Variants in ABHD2 observed in about 807,000 individuals in gnomAD.
ABHD2 encodes monoacylglycerol lipase ABHD2.
A neutral mutation model predicts 48.1 loss-of-function variants in ABHD2; 20 were observed. The ratio of observed to expected loss-of-function variants is 0.42; its 90% CI spans 0.29 to 0.60. ABHD2 has a LOEUF of 0.60. Among genes scored for constraint, ABHD2 ranks in the 20% least tolerant of loss-of-function variants. ABHD2 has a pLI of 0.24. For missense variants in ABHD2, 405 were observed against 550.9 expected, an observed-to-expected ratio of 0.74 and a Z score of 2.65; for synonymous variants, 209 against 214.2, an observed-to-expected ratio of 0.98 and a Z score of 0.21.
At chr15:89,046,400 T>C in the ABHD2 span, among the ~76,000 whole-genome samples, 1 of 152,112 alleles carries the variant, frequency 6.6e-6, no homozygotes, top group Non-Finnish European at 1.5e-5. Context: ...ATCAGGATGA[T>C]GCTGGCCTCA....
intron 5 of ABHD2, among the ~76,000 whole-genome samples, chr15:89,165,293 GT>G (rs941188103): frequency 4.9e-4 from 71 of 146,032 alleles, no homozygotes; most frequent in African/African-American, 8.3e-4. Flanking sequence ...TCTAAAAAAT[GT>G]TTTTTTTTTT....
chr15:89,191,929 G>GC (rs11459118), intron 9 of ABHD2, among the ~76,000 whole-genome samples: 74,025 of 151,874 alleles, frequency 0.49, 18,396 homozygotes, highest in African/African-American at 0.53. Flanking sequence ...GCCCAGCTGA[G>GC]ATGTCTGTTG....
chr15:89,157,608 C>T (rs912872354), intron 5 of ABHD2, among the ~76,000 whole-genome samples: 2 of 152,144 alleles, frequency 1.3e-5, no homozygotes, highest in Non-Finnish European at 2.9e-5. Flanking sequence ...CTTTGGGAGG[C>T]CAAGGCAGGC....
intron 3 of ABHD2, among the ~76,000 whole-genome samples, chr15:89,144,533 C>T (rs1288432407): frequency 6.6e-6 from 1 of 152,180 alleles, no homozygotes; most frequent in Non-Finnish European, 1.5e-5. Context: ...TTACTGATAA[C>T]ATGTTGCAGC....
the ABHD2 span, among the ~76,000 whole-genome samples, chr15:89,073,426 G>A: frequency 6.6e-6 from 1 of 152,140 alleles, no homozygotes; most frequent in Non-Finnish European, 1.5e-5. Flanking sequence ...CTCCCAAGTA[G>A]CTAGGATTAC....
At chr15:89,160,032 G>A (rs1179934910) in intron 5 of ABHD2, among the ~76,000 whole-genome samples, 1 of 152,220 alleles carries the variant, frequency 6.6e-6, no homozygotes, top group Non-Finnish European at 1.5e-5. Flanking sequence ...TTGTTGAAAT[G>A]TAAAAATTAA....
rs1212423483 is a variant in ABHD2, at chr15:89,200,421, C to T, written c.*4998C>T. ...CGGCCAGGCAAGCGCTCCTCACTTC[C>T]CAGATGGGGCGGCTCCCGGGAAGCG... On this transcript the variant is annotated 3_prime_UTR_variant, in exon 11 of 11. Transcript: ENST00000352732. 6.5e-6 allele frequency: 1 copy of T among 152,716 alleles called. No homozygotes were observed. The highest frequency in any genetic ancestry group is 1.5e-5 in the Non-Finnish European group (1 of 68,226). The allele number at this position is 152,716 out of a possible 1,614,324, so 9.5% of individuals were successfully genotyped here.
upstream of ABHD2, chr15:89,082,825 G>A (rs1346921669): frequency 1.3e-5 from 2 of 152,142 alleles, no homozygotes; most frequent in Admixed American, 1.3e-4. This position sits in a 1 kb window ranked among gnomAD's most constrained non-coding sequence, Gnocchi z 4.4. Context: ...TAATATAGGG[G>A]TCTCTGGAAA....
rs1280882432 is a variant in ABHD2 at position 89,195,236 on chromosome 15, A to C, written c.1091A>C (p.Glu364Ala). Residue 364 changes from glutamate (E) to alanine (A), a missense_variant, in exon 11 of 11, where the codon GAG (glutamate) becomes GCG (alanine). By Grantham distance (107) the Glu-to-Ala change is moderately radical (BLOSUM62 -1). Coordinates refer to ENST00000352732, the MANE Select transcript of ABHD2 (RefSeq NM_152924.5). The surrounding 1 kb of genome is among the most constrained non-coding windows in gnomAD (Gnocchi z 5.1). ...TGCGTTTCCCCTGCAGAGAAACGAG[A>C]GAACGTCATGTTTGTGCTGCCTCTG... ...TIPKSLSEKR[E>A]NVMFVLPLHG... 13 of 1,613,490 alleles carry C rather than the reference A, an allele frequency of 8.1e-6. No homozygotes were observed. The highest frequency in any genetic ancestry group is 1.1e-5 in the Non-Finnish European group (13 of 1,179,602).
the ABHD2 span, among the ~76,000 whole-genome samples, chr15:89,074,024 C>T: frequency 6.6e-6 from 1 of 152,152 alleles, no homozygotes; most frequent in Non-Finnish European, 1.5e-5. Flanking sequence ...AAATTCCATC[C>T]CAGCAAGCGG....
the ABHD2 span, among the ~76,000 whole-genome samples, chr15:89,047,887 GT>G: frequency 6.9e-6 from 1 of 145,792 alleles, no homozygotes. Flanking sequence ...GGAGCATTTA[GT>G]CCATTTACAT....
chr15:89,111,221 A>G (rs2150805082), intron 1 of ABHD2, among the ~76,000 whole-genome samples: 1 of 152,334 alleles, frequency 6.6e-6, no homozygotes, highest in Non-Finnish European at 1.5e-5. Context: ...GCTTTGTTCT[A>G]ATAATAAAAA....
the ABHD2 span, among the ~76,000 whole-genome samples, chr15:89,064,711 G>A: frequency 4.6e-5 from 7 of 151,994 alleles, no homozygotes; most frequent in African/African-American, 1.7e-4. Context: ...TAACTAGATT[G>A]CTAACAATGA....
chr15:89,201,511 G>A lies in ABHD2; in HGVS notation c.*6088G>A. 2 of 1,590,758 alleles carry A rather than the reference G, an allele frequency of 1.3e-6. No homozygotes were observed. Among genetic ancestry groups the A allele is most frequent in the Non-Finnish European group, 8.6e-7 (1 of 1,159,132 alleles). ...TGAAGTGTTTAGTGGAGCAAAAATT[G>A]TACCATAAACTTGTGTTTACTCTTT... On this transcript the variant is annotated 3_prime_UTR_variant, in exon 11 of 11. Coordinates refer to ENST00000352732, the MANE Select transcript of ABHD2 (RefSeq NM_152924.5).
rs2051175857 is a variant in ABHD2, at chr15:89,184,679, G to A, written c.723-745G>A. Among the ~76,000 whole-genome samples, 1 of 152,188 alleles carries A rather than the reference G, an allele frequency of 6.6e-6. No individual in the cohort carries two copies. The highest frequency in any genetic ancestry group is 1.5e-5 in the Non-Finnish European group (1 of 68,036). On this transcript the variant is annotated intron_variant, in intron 6 of 10. Transcript: ENST00000352732. The surrounding 1 kb of genome is among the most constrained non-coding windows in gnomAD (Gnocchi z 5.1). Reference sequence around the variant, plus strand: ...GCTGTCTCCTCCCTCTGCATGTGCTGCTGGCAGAACCTGGGCTCTGGAAAA... The same window carrying A: ...GCTGTCTCCTCCCTCTGCATGTGCTACTGGCAGAACCTGGGCTCTGGAAAA...
In ABHD2 at chr15:89,116,614, A is replaced by T; in HGVS notation, c.194+93A>T. ...AAGAAACTTCTCTCATCGTGTCCTT[A>T]AGGCATCAATGGGATATGACGTCAC... On this transcript the variant is annotated intron_variant, in intron 3 of 10. Coordinates refer to ENST00000352732, the MANE Select transcript of ABHD2 (RefSeq NM_152924.5). This position sits in a 1 kb window ranked among gnomAD's most constrained non-coding sequence, Gnocchi z 4.6. 1 of 1,376,796 alleles carries T rather than the reference A, an allele frequency of 7.3e-7. No individual in the cohort carries two copies. The allele number at this position is 1,376,796 out of a possible 1,614,324, so 85.3% of individuals were successfully genotyped here. A position where few individuals can be genotyped will look rare whatever the true frequency, so the allele number is the denominator to read the frequency against.
chr15:89,047,062 C>G, the ABHD2 span, among the ~76,000 whole-genome samples: 1 of 151,326 alleles, frequency 6.6e-6, no homozygotes, highest in Non-Finnish European at 1.5e-5. Flanking sequence ...CTACACACTG[C>G]TTTGAATGCG....
At chr15:89,086,135 A>C (rs11073838), upstream of ABHD2, among the ~76,000 whole-genome samples, 1,013 of 151,522 alleles carry the variant, frequency 6.7e-3, 7 homozygotes, top group East Asian at 0.049. Flanking sequence ...TCAAACGATT[A>C]TCCTGCCTCA....
rs2051069131 is a variant in ABHD2 at position 89,179,304 on chromosome 15, A to G, written c.722+3309A>G. Among the ~76,000 whole-genome samples the G allele has an allele frequency of 6.6e-6, 1 of 152,224 alleles. No individual in the cohort carries two copies. The highest frequency in any genetic ancestry group is 1.5e-5 in the Non-Finnish European group (1 of 68,028). ...GGCAGGTCACAGTGGGCAAAGCAGT[A>G]GGGAAGCAGTGGGTGAACCTTCATC... On this transcript the variant is annotated intron_variant, in intron 6 of 10. Transcript: ENST00000352732. The surrounding 1 kb of genome is among the most constrained non-coding windows in gnomAD (Gnocchi z 4.3).
Sources: gnomAD v4.1 joint callset for allele counts (sites outside exome capture counted in the v4.1 genomes callset) on GRCh38, gnomAD v4.1.1 for gene constraint, Gnocchi (gnomAD v3.1) non-coding constraint, MANE v1.5 for transcripts, NCBI Gene and HGNC (gene_info 2026-07-23, HGNC 2026-07-21) for gene names.